ASH1L: variants seen among roughly 807,000 people sequenced by gnomAD.
ASH1L encodes ASH1 like histone lysine methyltransferase.
ASH1L carries 23 observed loss-of-function variants against 269.0 expected under a neutral mutation model. The observed-to-expected ratio is 0.09, with a 90% confidence interval of 0.06 to 0.12. ASH1L has a LOEUF of 0.12. Ranked by LOEUF, ASH1L falls within the 10% of genes least tolerant of loss-of-function variation. ASH1L has a pLI of 1.00. For synonymous variants in ASH1L, 1,187 were observed against 1,253.5 expected (o/e 0.95, Z 1.12); for missense variants, 2,912 against 3,567.8 (o/e 0.82, Z 4.68).
intron 4 of ASH1L, among the ~76,000 whole-genome samples, chr1:155,441,151 AT>A (rs2148626618): frequency 6.6e-6 from 1 of 152,320 alleles, no homozygotes; most frequent in South Asian, 2.1e-4. Flanking sequence ...AAATACGTAC[AT>A]TAATCTCTTG....
intron 3 of ASH1L, 74 bp downstream of exon 3, chr1:155,477,812 C>A (rs899892808): frequency 1.4e-6 from 2 of 1,399,690 alleles, no homozygotes; most frequent in Non-Finnish European, 1.9e-6. Flanking sequence ...AAAAGTTCAT[C>A]TACATTTATC....
chr1:155,423,010 C>A (rs531343575), intron 5 of ASH1L, among the ~76,000 whole-genome samples: 1 of 147,462 alleles, frequency 6.8e-6, no homozygotes, highest in Non-Finnish European at 1.5e-5. Flanking sequence ...TGCAGTGGTG[C>A]GATCTCGGCT....
intron 2 of ASH1L, among the ~76,000 whole-genome samples, chr1:155,502,647 T>C (rs566326061): frequency 3.3e-5 from 5 of 152,286 alleles, no homozygotes; most frequent in South Asian, 2.1e-4. Flanking sequence ...AACAGAAATA[T>C]ATGCAATGGA....
chr1:155,550,458 A>G (rs1671121834), intron 1 of ASH1L, among the ~76,000 whole-genome samples: 1 of 152,194 alleles, frequency 6.6e-6, no homozygotes, highest in East Asian at 1.9e-4. Context: ...TCCCTATGTT[A>G]TCTGGTCCCT....
At chr1:155,397,845 GC>G (rs1323420906) in intron 6 of ASH1L, among the ~76,000 whole-genome samples, 3 of 152,178 alleles carry the variant, frequency 2.0e-5, no homozygotes, top group African/African-American at 7.2e-5. Context: ...ACAGGCGTGA[GC>G]CACGGCACCT....
chr1:155,371,099 A>G, intron 10 of ASH1L, 116 bp from the exon 11 acceptor site: 1 of 824,664 alleles, frequency 1.2e-6, no homozygotes, highest in Non-Finnish European at 1.9e-6. Context: ...TTTATTTAAT[A>G]AAAGTACCCG....
intron 6 of ASH1L, among the ~76,000 whole-genome samples, chr1:155,399,501 G>A (rs754187985): frequency 1.4e-4 from 21 of 152,172 alleles, no homozygotes; most frequent in Non-Finnish European, 2.1e-4. Context: ...AAATTAGCTA[G>A]GCGTGGTGGC....
At chr1:155,544,145 C>T (rs1670634163) in intron 1 of ASH1L, among the ~76,000 whole-genome samples, 1 of 151,996 alleles carries the variant, frequency 6.6e-6, no homozygotes, top group South Asian at 2.1e-4. Context: ...CTCAAGCAAT[C>T]CTCCCACCTC....
intron 13 of ASH1L, 45 bp from the exon 14 acceptor site, chr1:155,357,794 C>T: frequency 1.3e-6 from 2 of 1,541,932 alleles, no homozygotes; most frequent in Non-Finnish European, 1.7e-6. Context: ...TTTTTTAAGG[C>T]AGGGTCTTTC....
rs929459088 is a variant in ASH1L at position 155,335,390 on chromosome 1, T to C, written c.*2270A>G. The stretch of plus-strand genomic sequence containing the variant: ...TTTACAAAGATTAACATCAAAACAA[T>C]CATCTATTTAGATATGCTTTTGTAA... On this transcript the variant is annotated 3_prime_UTR_variant, in exon 28 of 28. Coordinates refer to ENST00000392403, the MANE Select transcript of ASH1L (RefSeq NM_018489.3). 6.5e-6 allele frequency: 1 copy of C among 152,770 alleles called. No individual in the cohort carries two copies. Among genetic ancestry groups the C allele is most frequent in the African/African-American group, 2.4e-5 (1 of 41,448 alleles). 9.5% of individuals were successfully genotyped at this position (152,770 alleles called of 1,614,324 possible).
upstream of ASH1L, chr1:155,563,125 C>T (rs894258176): frequency 2.2e-6 from 1 of 457,548 alleles, no homozygotes; most frequent in African/African-American, 2.0e-5. Flanking sequence ...TGCTCCTCCT[C>T]CTCCGCCGGA....
chr1:155,382,982 C>T (rs978358234), intron 7 of ASH1L, among the ~76,000 whole-genome samples: 1 of 152,188 alleles, frequency 6.6e-6, no homozygotes. Context: ...CCTGGCCTCC[C>T]AAAGTGTTGG....
intron 25 of ASH1L, among the ~76,000 whole-genome samples, chr1:155,339,666 C>T (rs981910349): frequency 1.3e-5 from 2 of 151,970 alleles, no homozygotes; most frequent in Admixed American, 6.6e-5. Context: ...AGAAATATGT[C>T]ATCACGTGAT....
At chr1:155,538,762 C>T (rs187488345) in intron 1 of ASH1L, among the ~76,000 whole-genome samples, 8 of 151,706 alleles carry the variant, frequency 5.3e-5, no homozygotes, top group African/African-American at 1.9e-4. Flanking sequence ...CCCACCTCAG[C>T]TTCCCAAGTA....
At chr1:155,532,949 GTA>G (rs1220668981) in intron 1 of ASH1L, among the ~76,000 whole-genome samples, 5 of 119,174 alleles carry the variant, frequency 4.2e-5, no homozygotes, top group East Asian at 2.4e-4. Context: ...GTGTGTGTGT[GTA>G]TATATATATG....
At chr1:155,466,417 T>C (rs1257693432) in intron 3 of ASH1L, among the ~76,000 whole-genome samples, 2 of 152,162 alleles carry the variant, frequency 1.3e-5, no homozygotes, top group African/African-American at 4.8e-5. Context: ...AGGCTATTTT[T>C]CATAATGCCC....
intron 6 of ASH1L, among the ~76,000 whole-genome samples, chr1:155,413,291 G>A (rs373441238): frequency 2.5e-4 from 38 of 151,940 alleles, no homozygotes; most frequent in African/African-American, 8.7e-4. Context: ...ATATAAATGC[G>A]GGTTTGAAAT....
intron 1 of ASH1L, among the ~76,000 whole-genome samples, chr1:155,523,969 T>C (rs1465173594): frequency 6.6e-6 from 1 of 152,236 alleles, no homozygotes; most frequent in African/African-American, 2.4e-5. Context: ...TATTGCTCCA[T>C]TCAATCATAT....
chr1:155,537,148 C>G (rs1414160911), intron 1 of ASH1L, among the ~76,000 whole-genome samples: 1 of 152,084 alleles, frequency 6.6e-6, no homozygotes, highest in Non-Finnish European at 1.5e-5. Context: ...CTAAAACATG[C>G]CTGCAGTGCA....
Sources: gnomAD v4.1 joint callset for allele counts (sites outside exome capture counted in the v4.1 genomes callset) on GRCh38, gnomAD v4.1.1 for gene constraint, MANE v1.5 for transcripts, NCBI Gene and HGNC (gene_info 2026-07-23, HGNC 2026-07-21) for gene names.